The following TSNAX variants were observed in gnomAD, a reference collection of about 807,000 sequenced individuals.
TSNAX encodes the protein translin associated factor X, also known as translin-associated protein X.
TSNAX carries 12 observed loss-of-function variants against 33.0 expected under a neutral mutation model. That is an observed-to-expected ratio of 0.36 (90% CI 0.23 to 0.59). TSNAX has a LOEUF of 0.59. TSNAX is among the 20% of genes least tolerant of loss of function. The pLI, the probability that TSNAX is intolerant of heterozygous loss-of-function variation, is 0.74. For missense variants in TSNAX, 267 were observed against 341.3 expected (o/e 0.78, Z 1.72); for synonymous variants, 110 against 117.2 (o/e 0.94, Z 0.40).
intron 5 of TSNAX, among the ~76,000 whole-genome samples, chr1:231,561,560 T>G (rs1244551430): frequency 1.3e-5 from 2 of 152,264 alleles, no homozygotes; most frequent in Non-Finnish European, 2.9e-5. Context: ...CTGTCTTATT[T>G]AATCCTTTTA....
chr1:231,561,006 TGTA>T, intron 4 of TSNAX, 119 bp from the exon 5 acceptor site: 4 of 923,616 alleles, frequency 4.3e-6, no homozygotes, highest in Non-Finnish European at 6.6e-6. Context: ...GTACTGGCAT[TGTA>T]GTAGGCATCC....
chr1:231,553,232 T>A (rs1440450049), intron 4 of TSNAX, among the ~76,000 whole-genome samples: 1 of 152,232 alleles, frequency 6.6e-6, no homozygotes, highest in Admixed American at 6.5e-5. Context: ...ATCTGTTTGC[T>A]TTTATATATA....
chr1:231,536,023 C>T (rs1337283535), intron 2 of TSNAX: 1 of 152,192 alleles, frequency 6.6e-6, no homozygotes, highest in Non-Finnish European at 1.5e-5. Context: ...TCTTCATTTT[C>T]TCCTACTTTC....
intron 3 of TSNAX, among the ~76,000 whole-genome samples, chr1:231,539,898 A>G (rs907638517): frequency 6.6e-6 from 1 of 152,200 alleles, no homozygotes; most frequent in Non-Finnish European, 1.5e-5. Flanking sequence ...ATACTTCATG[A>G]AAGAGGCTGG....
At chr1:231,539,152 A>G (rs570476766) in intron 3 of TSNAX, among the ~76,000 whole-genome samples, 2 of 152,304 alleles carry the variant, frequency 1.3e-5, no homozygotes, top group Admixed American at 1.3e-4. Flanking sequence ...CTTGTACATA[A>G]TAAGGCTTGT....
At chr1:231,561,099 C>A (rs748479988) in intron 4 of TSNAX, 29 bp from the exon 5 acceptor site, 1 of 1,597,530 alleles carries the variant, frequency 6.3e-7, no homozygotes, top group Admixed American at 1.8e-5. Flanking sequence ...AGTGCTTATT[C>A]TTAGTAATTT....
At position 231,548,724 on chromosome 1, in the gene TSNAX, G is replaced by A. The variant is rs147591452; in HGVS notation, c.367+6113G>A. On this transcript the variant is annotated intron_variant, in intron 4 of 5. Transcript: ENST00000366639. ...AAAAATTAATTGGAAATCTTAGGAC[G>A]TACAGGTTGCTGCCTAGGAGGCAAT... is the stretch of plus-strand genomic sequence containing the variant. Among the ~76,000 whole-genome samples the A allele has an allele frequency of 3.4e-3, 511 of 152,336 alleles. 1 individual carries two copies. Among genetic ancestry groups the A allele is most frequent in the Non-Finnish European group, 6.1e-3 (413 of 68,032 alleles).
At chr1:231,545,337 G>A (rs1213067789) in intron 4 of TSNAX, among the ~76,000 whole-genome samples, 2 of 152,188 alleles carry the variant, frequency 1.3e-5, no homozygotes, top group East Asian at 1.9e-4. Flanking sequence ...ATTAAGAATA[G>A]TGCTAATGGC....
Position 231,565,878 on chromosome 1 carries a change from TTTTG to T in TSNAX, c.*977_*980del, listed in dbSNP as rs1282529165. On this transcript the variant is annotated 3_prime_UTR_variant, in exon 6 of 6. Coordinates refer to ENST00000366639, the MANE Select transcript of TSNAX (RefSeq NM_005999.3). ...CCAGATGTTGCTTTCTCCATTTATT[TTTTG>T]TTTTTTTTTAATCACAGTAGGTCTG... 5.9e-5 allele frequency: 9 copies of T among 152,026 alleles called. No individual in the cohort carries two copies. Among genetic ancestry groups the T allele is most frequent in the African/African-American group, 1.5e-4 (6 of 41,334 alleles). 9.4% of individuals were successfully genotyped at this position (152,026 alleles called of 1,614,324 possible). A position where few individuals can be genotyped will look rare whatever the true frequency, so the allele number is the denominator to read the frequency against.
intron 5 of TSNAX, 88 bp from the exon 6 acceptor site, chr1:231,564,440 G>A: frequency 6.7e-7 from 1 of 1,498,848 alleles, no homozygotes; most frequent in Non-Finnish European, 8.9e-7. Context: ...TATAATAAAT[G>A]TGATACATGC....
At chr1:231,531,643 G>T (rs924344737) in intron 2 of TSNAX, among the ~76,000 whole-genome samples, 1 of 152,046 alleles carries the variant, frequency 6.6e-6, no homozygotes, top group Non-Finnish European at 1.5e-5. Context: ...AGTAATAAAA[G>T]ACTAGATATA....
At chr1:231,559,985 A>ATTAT (rs1553268936) in intron 4 of TSNAX, among the ~76,000 whole-genome samples, 9 of 142,344 alleles carry the variant, frequency 6.3e-5, no homozygotes, top group African/African-American at 2.4e-4. Context: ...TATTATTATT[A>ATTAT]TTTTTTTTTT....
At chr1:231,557,048 G>C (rs995809300) in intron 4 of TSNAX, among the ~76,000 whole-genome samples, 6 of 152,282 alleles carry the variant, frequency 3.9e-5, no homozygotes, top group African/African-American at 1.2e-4. Flanking sequence ...AGAATAGATG[G>C]GGGGAGACCA....
At chr1:231,529,385 A>G in intron 2 of TSNAX, 26 bp downstream of exon 2, 1 of 1,604,046 alleles carries the variant, frequency 6.2e-7, no homozygotes, top group South Asian at 1.1e-5. Flanking sequence ...TGTAAGTTGA[A>G]GAAGGGGAGA....
In TSNAX at chr1:231,564,764, T is replaced by C; in HGVS notation, c.732T>C (p.Tyr244=). 2 of 1,614,206 alleles carry C rather than the reference T, an allele frequency of 1.2e-6. No homozygotes were observed. Among genetic ancestry groups the C allele is most frequent in the East Asian group, 4.5e-5 (2 of 44,886 alleles). ...TGPYEVSKKL[Y]TLKQSLAKVE... The stretch of plus-strand genomic sequence containing the variant: ...CTTACGAGGTTTCTAAGAAGCTGTA[T>C]ACCTTGAAACAAAGTTTGGCCAAAG... The change falls in exon 6 of 6, where the codon TAT becomes TAC. Residue 244 remains tyrosine, a synonymous_variant. Coordinates refer to ENST00000366639, the MANE Select transcript of TSNAX (RefSeq NM_005999.3).
At chr1:231,548,543 TAG>T (rs1452191232) in intron 4 of TSNAX, among the ~76,000 whole-genome samples, 1 of 152,170 alleles carries the variant, frequency 6.6e-6, no homozygotes, top group African/African-American at 2.4e-5. Flanking sequence ...GCAGTGGGAA[TAG>T]AGAGGAATGG....
intron 4 of TSNAX, among the ~76,000 whole-genome samples, chr1:231,553,337 T>C (rs1030351230): frequency 6.6e-6 from 1 of 152,228 alleles, no homozygotes; most frequent in Non-Finnish European, 1.5e-5. Context: ...TTCCCTGTTA[T>C]ATGTTCTAAT....
At chr1:231,532,492 C>T (rs1162085463) in intron 2 of TSNAX, among the ~76,000 whole-genome samples, 1 of 151,822 alleles carries the variant, frequency 6.6e-6, no homozygotes, top group Non-Finnish European at 1.5e-5. Context: ...CATGCCTGGC[C>T]TTATAATTTT....
intron 4 of TSNAX, among the ~76,000 whole-genome samples, chr1:231,549,405 G>A (rs1184103980): frequency 6.6e-6 from 1 of 152,200 alleles, no homozygotes; most frequent in Non-Finnish European, 1.5e-5. Context: ...GGGAGACAGA[G>A]TGAGACTCCG....
Sources: allele counts gnomAD v4.1 joint callset (sites outside exome capture counted in the v4.1 genomes callset), GRCh38; gene constraint gnomAD v4.1.1; transcripts MANE v1.5; gene names NCBI Gene and HGNC (gene_info 2026-07-23, HGNC 2026-07-21).